LEPR: variants seen among roughly 807,000 people sequenced by gnomAD.
The protein encoded by LEPR is OB receptor.
A neutral mutation model predicts 114.7 loss-of-function variants in LEPR; 56 were observed. The observed-to-expected ratio is 0.49, with a 90% confidence interval of 0.39 to 0.61. The LOEUF is 0.61. Among genes scored for constraint, LEPR ranks in the 20% least tolerant of loss-of-function variants. The pLI, the probability that LEPR is intolerant of heterozygous loss-of-function variation, is 0.00. For missense variants in LEPR, 1,202 were observed against 1,352.9 expected (o/e 0.89, Z 1.75); for synonymous variants, 443 against 461.4 (o/e 0.96, Z 0.51).
chr1:65,420,823 G>T, intron 1 of LEPR, 83 bp downstream of exon 1: 1 of 1,502,134 alleles, frequency 6.7e-7, no homozygotes, highest in Non-Finnish European at 9.0e-7. Flanking sequence ...CGCCTTCCGC[G>T]CGCCGTTGGG....
At chr1:65,530,859 G>A (rs766824317) in intron 2 of LEPR, among the ~76,000 whole-genome samples, 3 of 152,064 alleles carry the variant, frequency 2.0e-5, no homozygotes, top group African/African-American at 4.8e-5. Context: ...TGGTTCAGAC[G>A]CCTCTGACAG....
chr1:65,616,104 C>G lies in LEPR; in HGVS notation c.2092C>G (p.His698Asp). ...NGTWSEDVGN[H>D]TKFTFLWTEQ... Reference sequence around the variant, plus strand: ...AACATGGTCAGAAGATGTGGGAAATCACACGAAATTCACTTTCCTGTGGAC... The same window carrying G: ...AACATGGTCAGAAGATGTGGGAAATGACACGAAATTCACTTTCCTGTGGAC... The change falls in exon 15 of 20, where the codon CAC becomes GAC. Residue 698 changes from histidine (H) to aspartate (D), a missense_variant. Coordinates refer to ENST00000349533, the MANE Select transcript of LEPR (RefSeq NM_002303.6). 6.2e-7 allele frequency: 1 copy of G among 1,614,158 alleles called. No individual in the cohort carries two copies. Among genetic ancestry groups the G allele is most frequent in the Non-Finnish European group, 8.5e-7 (1 of 1,180,014 alleles).
intron 2 of LEPR, among the ~76,000 whole-genome samples, chr1:65,431,301 C>T (rs996275390): frequency 6.6e-6 from 1 of 152,170 alleles, no homozygotes; most frequent in Non-Finnish European, 1.5e-5. Context: ...CTAGAGGGTA[C>T]TCTCACCCCC....
intron 2 of LEPR, chr1:65,525,585 C>T: frequency 2.1e-6 from 2 of 973,234 alleles, no homozygotes; most frequent in Non-Finnish European, 2.4e-6. Flanking sequence ...ACGCGGGCGG[C>T]CACCCGACTC....
Position 65,617,974 on chromosome 1 carries a change from G to GCAGTCA in LEPR, c.2225_2230dup (p.Gln742_Ser743dup). 1 of 1,608,604 alleles carries GCAGTCA rather than the reference G, an allele frequency of 6.2e-7. No individual in the cohort carries two copies. Among genetic ancestry groups the GCAGTCA allele is most frequent in the Non-Finnish European group, 8.5e-7 (1 of 1,177,700 alleles). ...TTCTTTTCCCCTCAGTAAATATCGT[G>GCAGTCA]CAGTCACTCAGTGCTTATCCTTTAA... On this transcript the variant is annotated inframe_insertion, in exon 16 of 20. Transcript: ENST00000349533.
intron 2 of LEPR, among the ~76,000 whole-genome samples, chr1:65,521,671 C>T (rs1351742787): frequency 6.6e-6 from 1 of 152,154 alleles, no homozygotes; most frequent in Non-Finnish European, 1.5e-5. Context: ...ATCATTGGCT[C>T]ATTGAACACA....
intron 2 of LEPR, among the ~76,000 whole-genome samples, chr1:65,518,274 C>T (rs1429888655): frequency 6.6e-6 from 1 of 152,050 alleles, no homozygotes; most frequent in Non-Finnish European, 1.5e-5. Context: ...TGTAGTTTTC[C>T]TGTGTATATT....
chr1:65,524,468 G>C (rs571793225), intron 2 of LEPR, among the ~76,000 whole-genome samples: 1 of 152,178 alleles, frequency 6.6e-6, no homozygotes, highest in African/African-American at 2.4e-5. Flanking sequence ...AGTGACACTC[G>C]TTCTGAGAGG....
intron 2 of LEPR, among the ~76,000 whole-genome samples, chr1:65,540,733 T>G (rs923762165): frequency 3.3e-5 from 5 of 152,232 alleles, no homozygotes; most frequent in Non-Finnish European, 5.9e-5. Flanking sequence ...TTTTCTCTTT[T>G]GCTGCTGATC....
At chr1:65,612,308 T>G (rs892598734) in intron 14 of LEPR, among the ~76,000 whole-genome samples, 2 of 152,254 alleles carry the variant, frequency 1.3e-5, no homozygotes, top group African/African-American at 4.8e-5. Flanking sequence ...TCTCTAGTAT[T>G]AACATCTTAG....
chr1:65,497,050 CT>C (rs748058837), intron 2 of LEPR, among the ~76,000 whole-genome samples: 1 of 152,026 alleles, frequency 6.6e-6, no homozygotes, highest in Non-Finnish European at 1.5e-5. Context: ...CAACCAAGGT[CT>C]TGCAATCACA....
chr1:65,453,991 G>A (rs1376247901), intron 2 of LEPR, among the ~76,000 whole-genome samples: 1 of 151,716 alleles, frequency 6.6e-6, no homozygotes, highest in East Asian at 1.9e-4. Flanking sequence ...ATATATTTAA[G>A]ATAGTTAGCT....
intron 2 of LEPR, among the ~76,000 whole-genome samples, chr1:65,488,384 TG>T (rs1002762036): frequency 6.7e-6 from 1 of 149,440 alleles, no homozygotes; most frequent in African/African-American, 2.5e-5. Flanking sequence ...TGGAGTACAG[TG>T]GCATGATTAT....
At chr1:65,584,256 A>G (rs1158324574) in intron 5 of LEPR, among the ~76,000 whole-genome samples, 1 of 152,084 alleles carries the variant, frequency 6.6e-6, no homozygotes, top group Non-Finnish European at 1.5e-5. Context: ...CCAAGGAGCC[A>G]TCGTTCCTTT....
intron 2 of LEPR, among the ~76,000 whole-genome samples, chr1:65,497,469 T>C (rs1346096937): frequency 6.6e-6 from 1 of 152,168 alleles, no homozygotes. Flanking sequence ...ACACCCTTCC[T>C]GTCTTGAGCT....
At chr1:65,517,276 C>T (rs1158666017) in intron 2 of LEPR, among the ~76,000 whole-genome samples, 2 of 152,234 alleles carry the variant, frequency 1.3e-5, no homozygotes, top group Non-Finnish European at 2.9e-5. Context: ...AGAGCAAATG[C>T]ACCATAAGCT....
In LEPR at chr1:65,425,478, C is replaced by T. The variant is rs565639857; in HGVS notation, c.-21+100C>T. 21 of 991,828 alleles carry T rather than the reference C, an allele frequency of 2.1e-5. No individual in the cohort carries two copies. The East Asian group carries it at 5.5e-4, about 26-fold the overall frequency. The allele number at this position is 991,828 out of a possible 1,614,324, so 61.4% of individuals were successfully genotyped here. ...CGGTCAATTTAGCACCAAGTTCTAACCAGTGAGTTAGTGGAGCCCAGTTTA... is the reference window on the plus strand; with the variant it reads ...CGGTCAATTTAGCACCAAGTTCTAATCAGTGAGTTAGTGGAGCCCAGTTTA... On this transcript the variant is annotated intron_variant, in intron 2 of 19. Transcript: ENST00000349533.
intron 2 of LEPR, among the ~76,000 whole-genome samples, chr1:65,546,888 G>C (rs1224104021): frequency 6.6e-6 from 1 of 152,144 alleles, no homozygotes; most frequent in African/African-American, 2.4e-5. Context: ...TCTTGTGCCA[G>C]TTTTCAAAGG....
chr1:65,467,328 C>T (rs1647027000), intron 2 of LEPR, among the ~76,000 whole-genome samples: 1 of 152,148 alleles, frequency 6.6e-6, no homozygotes, highest in Middle Eastern at 3.2e-3. Flanking sequence ...GAGGTCCACT[C>T]CAGACCCTGT....
Sources: gnomAD v4.1 joint callset for allele counts (sites outside exome capture counted in the v4.1 genomes callset) on GRCh38, gnomAD v4.1.1 for gene constraint, MANE v1.5 for transcripts, NCBI Gene and HGNC (gene_info 2026-07-23, HGNC 2026-07-21) for gene names.